The following KCNH1 variants were observed in gnomAD, a reference collection of about 807,000 sequenced individuals.
KCNH1 encodes the protein voltage-gated delayed rectifier potassium channel KCNH1.
KCNH1 carries 27 observed loss-of-function variants against 69.2 expected under a neutral mutation model. The ratio of observed to expected loss-of-function variants is 0.39; its 90% CI spans 0.29 to 0.54. The LOEUF (loss-of-function observed/expected upper bound fraction) is 0.54, where lower values mean the gene tolerates loss of function less well. Among genes scored for constraint, KCNH1 ranks in the 20% least tolerant of loss-of-function variants. The pLI is 0.68. For missense variants in KCNH1, 798 were observed against 1,261.6 expected (o/e 0.63, Z 5.57); for synonymous variants, 456 against 487.7 (o/e 0.93, Z 0.86).
intron 7 of KCNH1, among the ~76,000 whole-genome samples, chr1:210,816,954 C>T (rs1240283922): frequency 6.6e-6 from 1 of 152,096 alleles, no homozygotes; most frequent in Non-Finnish European, 1.5e-5. Flanking sequence ...TAAAGAAATA[C>T]TTCTTTCAAT....
At chr1:210,741,906 GC>G (rs1213108736) in intron 10 of KCNH1, among the ~76,000 whole-genome samples, 1 of 152,196 alleles carries the variant, frequency 6.6e-6, no homozygotes, top group African/African-American at 2.4e-5. Flanking sequence ...GGGCAGAAGA[GC>G]CCCGCTAGAT....
chr1:210,900,127 TAAG>T (rs1686963583), intron 7 of KCNH1, among the ~76,000 whole-genome samples: 1 of 152,176 alleles, frequency 6.6e-6, no homozygotes, highest in Admixed American at 6.5e-5. Context: ...TTAAGGAGCT[TAAG>T]AAGAGAGAGA....
At chr1:210,747,620 G>A (rs1683188588) in intron 10 of KCNH1, among the ~76,000 whole-genome samples, 1 of 140,322 alleles carries the variant, frequency 7.1e-6, no homozygotes, top group Non-Finnish European at 1.5e-5. Context: ...GGCAAACTGT[G>A]TATTCCTTTA....
chr1:210,902,752 A>G (rs1382682493), intron 7 of KCNH1, among the ~76,000 whole-genome samples: 1 of 152,132 alleles, frequency 6.6e-6, no homozygotes, highest in African/African-American at 2.4e-5. Context: ...CTTTCTTAAG[A>G]TTTCTGGAAT....
intron 6 of KCNH1, among the ~76,000 whole-genome samples, chr1:210,984,297 C>T (rs1337434351): frequency 6.6e-6 from 1 of 152,188 alleles, no homozygotes; most frequent in Non-Finnish European, 1.5e-5. Flanking sequence ...CTGGCCAGAA[C>T]TTCCAACACT....
chr1:210,837,411 TA>T (rs1451745730), intron 7 of KCNH1, among the ~76,000 whole-genome samples: 1 of 152,194 alleles, frequency 6.6e-6, no homozygotes, highest in Non-Finnish European at 1.5e-5. Context: ...GAACGTTCAT[TA>T]TCTTTGTTAT....
chr1:210,989,334 G>T (rs1688899785), intron 6 of KCNH1, among the ~76,000 whole-genome samples: 1 of 152,182 alleles, frequency 6.6e-6, no homozygotes, highest in African/African-American at 2.4e-5. Flanking sequence ...TTTGTGAATA[G>T]AAATAGATAT....
chr1:210,891,610 TTGG>T (rs1686752514), intron 7 of KCNH1, among the ~76,000 whole-genome samples: 1 of 151,870 alleles, frequency 6.6e-6, no homozygotes, highest in Admixed American at 6.6e-5. Flanking sequence ...TTTTATACTG[TTGG>T]TGGGAGTGTA....
intron 7 of KCNH1, among the ~76,000 whole-genome samples, chr1:210,899,702 T>A (rs1475669549): frequency 6.6e-6 from 1 of 152,190 alleles, no homozygotes; most frequent in African/African-American, 2.4e-5. Context: ...TACTAGGTGG[T>A]TTATATTTGT....
intron 6 of KCNH1, among the ~76,000 whole-genome samples, chr1:211,003,975 C>T (rs1558563967): frequency 6.6e-6 from 1 of 152,002 alleles, no homozygotes; most frequent in Non-Finnish European, 1.5e-5. Flanking sequence ...CGCCTGTAGT[C>T]CCAGCTACTT....
chr1:210,827,604 G>C (rs985301768), intron 7 of KCNH1, among the ~76,000 whole-genome samples: 1 of 152,144 alleles, frequency 6.6e-6, no homozygotes, highest in African/African-American at 2.4e-5. Flanking sequence ...TCATGCCACT[G>C]AAATAGGCAG....
rs35513980 is a variant in KCNH1 at position 210,933,526 on chromosome 1, T to TA, written c.1033-13458dup. 9.7e-4 allele frequency among the ~76,000 whole-genome samples: 145 copies of TA among 149,798 alleles called. 1 individual carries two copies. Among genetic ancestry groups the TA allele is most frequent in the Middle Eastern group, 3.4e-3 (1 of 292 alleles). ...CTTAAAGTATAATAATAATAAAATTTAAAAAAAAAATCAGAACAAAAATAA... is the reference window on the plus strand; with the variant it reads ...CTTAAAGTATAATAATAATAAAATTTAAAAAAAAAAATCAGAACAAAAATAA... On this transcript the variant is annotated intron_variant, in intron 6 of 10. Coordinates refer to ENST00000271751, the MANE Select transcript of KCNH1 (RefSeq NM_172362.3).
At chr1:211,102,435 A>G (rs913410387) in intron 3 of KCNH1, among the ~76,000 whole-genome samples, 2 of 152,100 alleles carry the variant, frequency 1.3e-5, no homozygotes, top group African/African-American at 4.8e-5. Flanking sequence ...CCTAGCTAAT[A>G]GTGGGGTGGG....
intron 7 of KCNH1, among the ~76,000 whole-genome samples, chr1:210,905,684 C>A (rs1033122498): frequency 6.6e-6 from 1 of 152,032 alleles, no homozygotes; most frequent in Non-Finnish European, 1.5e-5. Context: ...CTGGCCTACC[C>A]TCTCGGTGTT....
chr1:210,853,095 T>C (rs1685745155), intron 7 of KCNH1, among the ~76,000 whole-genome samples: 1 of 152,190 alleles, frequency 6.6e-6, no homozygotes, highest in Non-Finnish European at 1.5e-5. Flanking sequence ...AAGATAATGT[T>C]TGGCGGCTAT....
intron 6 of KCNH1, among the ~76,000 whole-genome samples, chr1:210,925,220 G>A (rs1409370790): frequency 6.6e-6 from 1 of 152,214 alleles, no homozygotes; most frequent in Non-Finnish European, 1.5e-5. Context: ...AAGAAACTCA[G>A]TGAGGATTGA....
At chr1:210,807,741 A>ATCC (rs1684614540) in intron 7 of KCNH1, among the ~76,000 whole-genome samples, 1 of 152,196 alleles carries the variant, frequency 6.6e-6, no homozygotes, top group Non-Finnish European at 1.5e-5. Context: ...TGCATGTTTC[A>ATCC]ATAGTTCCTT....
At chr1:211,089,483 G>T (rs1266633038) in intron 4 of KCNH1, among the ~76,000 whole-genome samples, 1 of 152,202 alleles carries the variant, frequency 6.6e-6, no homozygotes, top group Non-Finnish European at 1.5e-5. Context: ...ACAGTACTGT[G>T]CTCTGAACTC....
chr1:210,779,882 G>A (rs572087022), intron 9 of KCNH1, among the ~76,000 whole-genome samples: 80 of 152,312 alleles, frequency 5.3e-4, no homozygotes, highest in African/African-American at 1.8e-3. Context: ...TCCCTGTGGG[G>A]TACCAATGTA....
Sources: allele counts gnomAD v4.1 joint callset (sites outside exome capture counted in the v4.1 genomes callset), GRCh38; gene constraint gnomAD v4.1.1; transcripts MANE v1.5; gene names NCBI Gene and HGNC (gene_info 2026-07-23, HGNC 2026-07-21).